APBB2: variants seen among roughly 807,000 people sequenced by gnomAD.
APBB2 encodes Fe65-like 1.
A neutral mutation model predicts 82.5 loss-of-function variants in APBB2; 38 were observed. The observed-to-expected ratio is 0.46, with a 90% CI of 0.36 to 0.60. APBB2 has a LOEUF of 0.60. Among genes scored for constraint, APBB2 ranks in the 20% least tolerant of loss-of-function variants. APBB2 has a pLI of 0.00. For missense variants in APBB2, 772 were observed against 972.3 expected (o/e 0.79, Z 2.74); for synonymous variants, 341 against 368.2 (o/e 0.93, Z 0.85).
intron 12 of APBB2, among the ~76,000 whole-genome samples, chr4:40,853,252 T>C (rs774895476): frequency 1.4e-4 from 22 of 152,130 alleles, no homozygotes; most frequent in Non-Finnish European, 2.6e-4. Flanking sequence ...CCAATATCTA[T>C]TCCCTGAGAT....
At chr4:40,956,371 C>T (rs1017818302) in intron 6 of APBB2, among the ~76,000 whole-genome samples, 1 of 152,186 alleles carries the variant, frequency 6.6e-6, no homozygotes, top group Non-Finnish European at 1.5e-5. Context: ...GGCAGAAACA[C>T]TGACTATGGT....
chr4:40,823,847 C>T (rs1748861763), intron 15 of APBB2, 88 bp from the exon 16 acceptor site: 1 of 780,568 alleles, frequency 1.3e-6, no homozygotes, highest in Non-Finnish European at 2.2e-6. Context: ...CAGCTACGCC[C>T]AGACTGATCT....
At position 41,089,121 on chromosome 4, in the gene APBB2, C is replaced by T. The variant is rs116350008; in HGVS notation, c.-149+11518G>A. On this transcript the variant is annotated intron_variant, in intron 3 of 17. Coordinates refer to ENST00000508593, the MANE Select transcript of APBB2 (RefSeq NM_004307.2). ...ACACAGATTTCTGGACATTGACAAC[C>T]GAGGCTGATATCCAGTGGGTGGGTG... is the stretch of plus-strand genomic sequence containing the variant. Among the ~76,000 whole-genome samples the T allele has an allele frequency of 8.4e-3, 1,277 of 152,186 alleles. 14 individuals carry two copies. The highest frequency in any genetic ancestry group is 0.028 in the African/African-American group (1,150 of 41,526).
rs947771152 is a variant in APBB2 at position 40,911,119 on chromosome 4, T to G, written c.1255-17708A>C. Among the ~76,000 whole-genome samples, 65 of 152,212 alleles carry G rather than the reference T, an allele frequency of 4.3e-4. 1 individual carries two copies. Among genetic ancestry groups the G allele is most frequent in the Admixed American group, 4.3e-3 (65 of 15,280 alleles). ...ACATAGGGTTGACCCTTGAACAACA[T>G]GGATTATTTGGACTGTGTAGGTCCA... On this transcript the variant is annotated intron_variant, in intron 10 of 17. Coordinates refer to ENST00000508593, the MANE Select transcript of APBB2 (RefSeq NM_004307.2).
At chr4:40,906,123 TG>T (rs1776630349) in intron 10 of APBB2, among the ~76,000 whole-genome samples, 1 of 152,152 alleles carries the variant, frequency 6.6e-6, no homozygotes, top group African/African-American at 2.4e-5. Context: ...ATGTCTTCAG[TG>T]TATTCTAAGC....
At chr4:41,044,203 A>G (rs146533898) in intron 4 of APBB2, among the ~76,000 whole-genome samples, 22 of 152,346 alleles carry the variant, frequency 1.4e-4, no homozygotes, top group Non-Finnish European at 2.5e-4. Context: ...TTCCAGTGGT[A>G]CAGTTCATGT....
intron 6 of APBB2, among the ~76,000 whole-genome samples, chr4:40,946,607 G>A (rs1414091186): frequency 6.6e-6 from 1 of 151,972 alleles, no homozygotes; most frequent in East Asian, 1.9e-4. Flanking sequence ...AGAACAGAGG[G>A]GAGAGGAAGT....
Position 40,815,868 on chromosome 4 carries a change from C to A in APBB2, c.*224G>T, listed in dbSNP as rs567841037. 3.2e-5 allele frequency: 17 copies of A among 526,816 alleles called. No homozygotes were observed. The highest frequency in any genetic ancestry group is 2.4e-4 in the African/African-American group (13 of 53,170). The allele number at this position is 526,816 out of a possible 1,614,324, so 32.6% of individuals were successfully genotyped here. A position where few individuals can be genotyped will look rare whatever the true frequency, so the allele number is the denominator to read the frequency against. On this transcript the variant is annotated 3_prime_UTR_variant, in exon 18 of 18. Transcript: ENST00000508593. ...ACAATAAGAAAAAGACCTTCCACTG[C>A]GCATGATGTAACTTACAGCAAAAAA...
At chr4:40,997,702 T>G (rs1000964430) in intron 6 of APBB2, among the ~76,000 whole-genome samples, 39 of 152,344 alleles carry the variant, frequency 2.6e-4, no homozygotes, top group Non-Finnish European at 1.5e-4. Flanking sequence ...ATTTAAGTGA[T>G]AGGGCACAAA....
At chr4:41,077,670 A>G (rs1282748007) in intron 3 of APBB2, among the ~76,000 whole-genome samples, 2 of 151,912 alleles carry the variant, frequency 1.3e-5, no homozygotes, top group East Asian at 3.9e-4. Flanking sequence ...TGATATTTTG[A>G]CACATGCCAG....
intron 2 of APBB2, among the ~76,000 whole-genome samples, chr4:41,133,573 C>T (rs1047234921): frequency 3.3e-5 from 5 of 152,130 alleles, no homozygotes; most frequent in Non-Finnish European, 4.4e-5. Flanking sequence ...TTAACCTTTC[C>T]GTTTATTAGT....
chr4:41,170,631 A>C (rs1202583874), intron 1 of APBB2, among the ~76,000 whole-genome samples: 1 of 152,216 alleles, frequency 6.6e-6, no homozygotes, highest in Non-Finnish European at 1.5e-5. Flanking sequence ...CTAAGGAAAC[A>C]ACCAAATGCA....
intron 10 of APBB2, among the ~76,000 whole-genome samples, chr4:40,927,213 G>C (rs1782835198): frequency 6.6e-6 from 1 of 152,102 alleles, no homozygotes; most frequent in Non-Finnish European, 1.5e-5. Flanking sequence ...CCTTAATTAT[G>C]TGTTTCAAAG....
In APBB2 at chr4:41,209,841, T is replaced by C. The variant is rs571939532; in HGVS notation, c.-417+4564A>G. Among the ~76,000 whole-genome samples the C allele has an allele frequency of 2.6e-4, 40 of 152,244 alleles. 1 individual carries two copies. Among genetic ancestry groups the C allele is most frequent in the Admixed American group, 1.7e-3 (26 of 15,294 alleles). Reference sequence around the variant, plus strand: ...GGAATTGGGCAAAAAAAGAAGGGCATTGGACAAAGCAGTGACAAACCAGAC... The same window carrying C: ...GGAATTGGGCAAAAAAAGAAGGGCACTGGACAAAGCAGTGACAAACCAGAC... On this transcript the variant is annotated intron_variant, in intron 1 of 17. Coordinates refer to ENST00000508593, the MANE Select transcript of APBB2 (RefSeq NM_004307.2).
At chr4:41,040,667 A>C (rs1721000315) in intron 4 of APBB2, among the ~76,000 whole-genome samples, 1 of 152,100 alleles carries the variant, frequency 6.6e-6, no homozygotes, top group Non-Finnish European at 1.5e-5. Flanking sequence ...CTTCTCTCCA[A>C]GTTGACTCAA....
chr4:41,148,171 A>T (rs541914101), intron 1 of APBB2, among the ~76,000 whole-genome samples: 3 of 152,356 alleles, frequency 2.0e-5, no homozygotes, highest in African/African-American at 4.8e-5. Context: ...TGTGACTGAT[A>T]ACCTTAGGGC....
At chr4:41,063,378 A>G (rs569109631) in intron 4 of APBB2, among the ~76,000 whole-genome samples, 56 of 152,376 alleles carry the variant, frequency 3.7e-4, no homozygotes, top group Admixed American at 7.8e-4. Flanking sequence ...TATTGGCTAC[A>G]GTATGCAGAT....
At chr4:41,176,744 A>G (rs1434372919) in intron 1 of APBB2, among the ~76,000 whole-genome samples, 1 of 152,194 alleles carries the variant, frequency 6.6e-6, no homozygotes, top group African/African-American at 2.4e-5. Context: ...TGAAAAGCTA[A>G]TGCAATGAGG....
chr4:41,181,837 T>C (rs970587871), intron 1 of APBB2, among the ~76,000 whole-genome samples: 2 of 149,766 alleles, frequency 1.3e-5, no homozygotes, highest in Non-Finnish European at 2.9e-5. Context: ...TCCCAGCTAC[T>C]CAGGAGGCTG....
Sources: allele counts gnomAD v4.1 joint callset (sites outside exome capture counted in the v4.1 genomes callset), GRCh38; gene constraint gnomAD v4.1.1; transcripts MANE v1.5; gene names NCBI Gene and HGNC (gene_info 2026-07-23, HGNC 2026-07-21).